Variants in CDCA8 observed in about 807,000 individuals in gnomAD.
CDCA8 encodes cell division cycle associated 8.
CDCA8 carries 25 observed loss-of-function variants against 40.0 expected under a neutral mutation model. The ratio of observed to expected loss-of-function variants is 0.63; its 90% CI spans 0.46 to 0.87. CDCA8 has a LOEUF of 0.87. Ranked by LOEUF, CDCA8 falls within the 40% of genes least tolerant of loss-of-function variation. CDCA8 has a pLI of 0.00. For missense variants in CDCA8, 280 were observed against 348.4 expected (o/e 0.80, Z 1.56); for synonymous variants, 111 against 126.5 (o/e 0.88, Z 0.82).
intron 3 of CDCA8, among the ~76,000 whole-genome samples, chr1:37,698,038 A>C (rs1051239352): frequency 6.6e-6 from 1 of 152,200 alleles, no homozygotes; most frequent in East Asian, 1.9e-4. Flanking sequence ...TGAAAAAAAA[A>C]CGAATTTGAA....
intron 7 of CDCA8, among the ~76,000 whole-genome samples, chr1:37,703,728 G>GAA (rs1399922374): frequency 3.3e-5 from 5 of 152,064 alleles, no homozygotes; most frequent in African/African-American, 9.7e-5. Flanking sequence ...GAAAAGAAAA[G>GAA]AAAATAGTCC....
intron 2 of CDCA8, among the ~76,000 whole-genome samples, chr1:37,694,458 C>T (rs1645513405): frequency 6.6e-6 from 1 of 152,190 alleles, no homozygotes; most frequent in Non-Finnish European, 1.5e-5. Flanking sequence ...GGGAATAAAA[C>T]AGACATTGTC....
At position 37,692,715 on chromosome 1, in the gene CDCA8, C is replaced by T. The variant is rs778078602; in HGVS notation, c.25C>T (p.Arg9Trp). The T allele has an allele frequency of 7.4e-6, 12 of 1,613,284 alleles. No individual in the cohort carries two copies. The highest frequency in any genetic ancestry group is 9.3e-6 in the Non-Finnish European group (11 of 1,179,950). ...CATGGCTCCTAGGAAGGGCAGTAGT[C>T]GGGTGGCCAAGACCAACTCCTTACG... MAPRKGSS[R>W]VAKTNSLRRR... Residue 9 changes from arginine (R) to tryptophan (W), a missense_variant, in exon 1 of 10, where the codon CGG (arginine) becomes TGG (tryptophan). Arg to Trp is a moderately radical substitution (Grantham distance 101). Coordinates refer to ENST00000373055, the MANE Select transcript of CDCA8 (RefSeq NM_001256875.2).
intron 9 of CDCA8, among the ~76,000 whole-genome samples, chr1:37,707,571 A>G (rs1012215839): frequency 7.2e-5 from 11 of 151,970 alleles, no homozygotes; most frequent in Non-Finnish European, 1.5e-4. Context: ...CTTACTTAAC[A>G]TTGTTTTGCA....
At chr1:37,705,627 C>T in intron 8 of CDCA8, 60 bp downstream of exon 8, 1 of 1,588,948 alleles carries the variant, frequency 6.3e-7, no homozygotes, top group South Asian at 1.1e-5. Flanking sequence ...CATTTCTTTT[C>T]CCTGGGCCCT....
chr1:37,703,135 T>C, intron 6 of CDCA8, 117 bp from the exon 7 acceptor site: 1 of 786,126 alleles, frequency 1.3e-6, no homozygotes. Flanking sequence ...CGTGAGTCGA[T>C]GTGTGCGAGG....
chr1:37,692,903 A>AG lies in CDCA8; in HGVS notation c.95-1dup. 1 of 1,613,958 alleles carries AG rather than the reference A, an allele frequency of 6.2e-7. No homozygotes were observed. Among genetic ancestry groups the AG allele is most frequent in the Non-Finnish European group, 8.5e-7 (1 of 1,179,996 alleles). On this transcript the variant is annotated splice_acceptor_variant, in intron 1 of 9. Coordinates refer to ENST00000373055, the MANE Select transcript of CDCA8 (RefSeq NM_001256875.2). LOFTEE classifies it high-confidence loss of function. ...TGTCCTGTCGGCTCTGCCCTCCCGC[A>AG]GTGGAAATACGAATCAAGCAAATTG...
chr1:37,697,907 C>T (rs1645538443), intron 3 of CDCA8, among the ~76,000 whole-genome samples: 1 of 152,198 alleles, frequency 6.6e-6, no homozygotes, highest in South Asian at 2.1e-4. Flanking sequence ...GCAGTCCCTA[C>T]CAGAAATGAA....
chr1:37,693,059 C>T (rs1290898498), intron 2 of CDCA8, 26 bp downstream of exon 2: 44 of 1,610,898 alleles, frequency 2.7e-5, no homozygotes, highest in Non-Finnish European at 3.7e-5. Context: ...CTTCCCTGGG[C>T]GGAGGCCAGG....
chr1:37,702,951 CA>C (rs35993657), intron 6 of CDCA8, among the ~76,000 whole-genome samples: 3,625 of 128,462 alleles, frequency 0.028, 134 homozygotes, highest in African/African-American at 0.095. Flanking sequence ...GACTCCGTCT[CA>C]AAAAAAAAAA....
At chr1:37,701,924 A>G in intron 6 of CDCA8, 106 bp downstream of exon 6, 1 of 816,742 alleles carries the variant, frequency 1.2e-6, no homozygotes, top group Non-Finnish European at 2.0e-6. Context: ...CTAGTGTTTG[A>G]AAGCAGCTTA....
At chr1:37,693,167 C>T (rs971343496) in intron 2 of CDCA8, 134 bp downstream of exon 2, 39 of 424,962 alleles carry the variant, frequency 9.2e-5, no homozygotes, top group African/African-American at 6.6e-5. Flanking sequence ...ATTGCAGACC[C>T]TTTCACTCTC....
chr1:37,693,540 G>C (rs780365259), intron 2 of CDCA8, among the ~76,000 whole-genome samples: 3 of 151,794 alleles, frequency 2.0e-5, no homozygotes, highest in Non-Finnish European at 4.4e-5. Flanking sequence ...CTGGGATTAC[G>C]GTCGCCTGCC....
intron 2 of CDCA8, among the ~76,000 whole-genome samples, chr1:37,693,448 C>CAG (rs1237383439): frequency 1.3e-5 from 2 of 152,132 alleles, no homozygotes; most frequent in African/African-American, 4.8e-5. Context: ...GAGTGCAGTG[C>CAG]AGTGCAGTGG....
intron 2 of CDCA8, 54 bp from the exon 3 acceptor site, chr1:37,695,856 G>A: frequency 6.6e-6 from 10 of 1,523,154 alleles, no homozygotes; most frequent in Non-Finnish European, 8.2e-6. Context: ...GGTACTATTA[G>A]GCAAGATGAT....
intron 5 of CDCA8, 48 bp from the exon 6 acceptor site, chr1:37,701,706 C>G (rs745896563): frequency 9.2e-6 from 12 of 1,304,572 alleles, no homozygotes; most frequent in Non-Finnish European, 1.3e-5. Context: ...TTACCTTCCT[C>G]TTTGCTGGGT....
At chr1:37,697,669 G>C (rs141848879) in intron 3 of CDCA8, among the ~76,000 whole-genome samples, 256 of 152,364 alleles carry the variant, frequency 1.7e-3, no homozygotes, top group African/African-American at 5.9e-3. Flanking sequence ...CTTTCTATGT[G>C]TATCAGTCTC....
chr1:37,692,617 C>A lies in CDCA8; in HGVS notation c.-74C>A. On this transcript the variant is annotated 5_prime_UTR_variant, in exon 1 of 10. Transcript: ENST00000373055. Reference sequence around the variant, plus strand: ...GACTTCTTCGGGTGGTCCCCGTCCGCCCTCCTCGTCCCTACCCAGTTTCTT... The same window carrying A: ...GACTTCTTCGGGTGGTCCCCGTCCGACCTCCTCGTCCCTACCCAGTTTCTT... The A allele has an allele frequency of 8.2e-7, 1 of 1,219,282 alleles. No individual in the cohort carries two copies. Among genetic ancestry groups the A allele is most frequent in the Non-Finnish European group, 1.2e-6 (1 of 841,132 alleles). 75.5% of individuals were successfully genotyped at this position (1,219,282 alleles called of 1,614,324 possible).
At chr1:37,692,869 C>T (rs768105558) in intron 1 of CDCA8, 36 bp from the exon 2 acceptor site, 2 of 1,613,180 alleles carry the variant, frequency 1.2e-6, no homozygotes, top group Non-Finnish European at 1.7e-6. Context: ...TTCGCCCGCC[C>T]GTGACCCGTG....
Sources: allele counts gnomAD v4.1 joint callset (sites outside exome capture counted in the v4.1 genomes callset), GRCh38; gene constraint gnomAD v4.1.1; transcripts MANE v1.5; gene names NCBI Gene and HGNC (gene_info 2026-07-23, HGNC 2026-07-21).